DYNC1I1: variants seen among roughly 807,000 people sequenced by gnomAD.
The protein encoded by DYNC1I1 is dynein cytoplasmic 1 intermediate chain 1, also known as cytoplasmic dynein 1 intermediate chain 1.
A neutral mutation model predicts 86.6 loss-of-function variants in DYNC1I1; 43 were observed. The ratio of observed to expected loss-of-function variants is 0.50; its 90% CI spans 0.39 to 0.64. The LOEUF is 0.64. Ranked by LOEUF, DYNC1I1 falls within the 30% of genes least tolerant of loss-of-function variation. DYNC1I1 has a pLI of 0.00. For synonymous variants in DYNC1I1, 262 were observed against 283.7 expected (o/e 0.92, Z 0.77); for missense variants, 604 against 788.8 (o/e 0.77, Z 2.81).
chr7:95,869,477 CT>C (rs556177257), intron 5 of DYNC1I1, among the ~76,000 whole-genome samples: 135 of 147,212 alleles, frequency 9.2e-4, no homozygotes, highest in Admixed American at 2.3e-3. Context: ...ACCCACCTCT[CT>C]TTTTTTTTTT....
intron 14 of DYNC1I1, among the ~76,000 whole-genome samples, chr7:96,059,313 GAA>G (rs113602411): frequency 1.5e-5 from 2 of 137,652 alleles, no homozygotes; most frequent in African/African-American, 5.3e-5. Context: ...CAGTGAAATC[GAA>G]AAAAAAAAAT....
At chr7:95,860,111 G>A (rs1161147400) in intron 5 of DYNC1I1, among the ~76,000 whole-genome samples, 1 of 152,008 alleles carries the variant, frequency 6.6e-6, no homozygotes, top group Admixed American at 6.6e-5. Flanking sequence ...TGTTTCTCTG[G>A]GAGGACAATT....
intron 6 of DYNC1I1, among the ~76,000 whole-genome samples, chr7:95,932,879 A>ATTTTTTTTTTTTTTTTTTTTTTTT (rs11392614): frequency 7.3e-6 from 1 of 137,724 alleles, no homozygotes; most frequent in Non-Finnish European, 1.5e-5. Context: ...TTATTTTTTA[A>ATTTTTTTTTTTTTTTTTTTTTTTT]TTTTTTTTTT....
At chr7:95,815,927 CTAGT>C (rs1794935960) in intron 4 of DYNC1I1, among the ~76,000 whole-genome samples, 1 of 151,898 alleles carries the variant, frequency 6.6e-6, no homozygotes, top group Non-Finnish European at 1.5e-5. Context: ...ATCTTTGTAA[CTAGT>C]TAATCTGCAA....
intron 5 of DYNC1I1, among the ~76,000 whole-genome samples, chr7:95,856,248 CT>C (rs972744609): frequency 1.1e-4 from 16 of 152,084 alleles, no homozygotes; most frequent in African/African-American, 3.9e-4. Flanking sequence ...ATATCACTGT[CT>C]TTCACCTCCA....
intron 6 of DYNC1I1, among the ~76,000 whole-genome samples, chr7:95,948,909 G>A (rs1792476428): frequency 6.6e-6 from 1 of 152,158 alleles, no homozygotes; most frequent in Non-Finnish European, 1.5e-5. Context: ...GCTTTATCCA[G>A]ATACCCAGTG....
chr7:96,025,610 GTGACATTTAA>G (rs1794658986), intron 10 of DYNC1I1, among the ~76,000 whole-genome samples: 1 of 152,078 alleles, frequency 6.6e-6, no homozygotes, highest in Non-Finnish European at 1.5e-5. Flanking sequence ...GGGGGCTTTT[GTGACATTTAA>G]AATTTTTTGA....
At chr7:95,805,681 C>T (rs1378373944) in intron 2 of DYNC1I1, among the ~76,000 whole-genome samples, 1 of 152,064 alleles carries the variant, frequency 6.6e-6, no homozygotes, top group Non-Finnish European at 1.5e-5. Context: ...TTTGTCGTGG[C>T]AGTGTAGGAA....
chr7:96,009,593 AAATAC>A lies in DYNC1I1; in HGVS notation c.969+13522_969+13526del, dbSNP rs1211922356. 8.5e-5 allele frequency among the ~76,000 whole-genome samples: 13 copies of A among 152,298 alleles called. No individual in the cohort carries two copies. In the South Asian group the frequency reaches 2.7e-3, roughly 32 times the overall value. ...GCTGGATACTCCACTTGTTCATAAC[AAATAC>A]AGTCTTTTCTGTTGTTCCAGTAGCA... On this transcript the variant is annotated intron_variant, in intron 10 of 16. Transcript: ENST00000447467.
chr7:96,006,328 A>G (rs915427820), intron 10 of DYNC1I1, among the ~76,000 whole-genome samples: 2 of 152,166 alleles, frequency 1.3e-5, no homozygotes, highest in Admixed American at 1.3e-4. Context: ...ATGCCAAAAG[A>G]CTTCACTTTT....
At chr7:95,989,604 C>T (rs147715700) in intron 9 of DYNC1I1, among the ~76,000 whole-genome samples, 1 of 152,304 alleles carries the variant, frequency 6.6e-6, no homozygotes, top group African/African-American at 2.4e-5. Flanking sequence ...GGGCTGGTCC[C>T]GCCTTGCCTC....
chr7:95,885,832 A>G (rs926314255), intron 6 of DYNC1I1, among the ~76,000 whole-genome samples: 2 of 152,170 alleles, frequency 1.3e-5, no homozygotes, highest in African/African-American at 4.8e-5. Context: ...AGGTAGTGGT[A>G]TCTTCCAAAA....
chr7:95,802,082 A>G (rs1310033102), intron 1 of DYNC1I1, among the ~76,000 whole-genome samples: 2 of 151,838 alleles, frequency 1.3e-5, no homozygotes, highest in Non-Finnish European at 2.9e-5. Flanking sequence ...TCCAAACTCT[A>G]TTCCTCAACT....
intron 3 of DYNC1I1, among the ~76,000 whole-genome samples, chr7:95,812,975 A>G (rs1292647511): frequency 6.6e-6 from 1 of 152,066 alleles, no homozygotes; most frequent in Non-Finnish European, 1.5e-5. Flanking sequence ...TTGATGCTTC[A>G]TTTTACTTTG....
rs147218430 is a variant in DYNC1I1 at position 95,796,048 on chromosome 7, C to CA, written c.-9-8664dup. ...TTGTAAAATTAAATATAATTAAGAC[C>CA]AAAAAAAAAGCAGCCTACAGCAAAA... On this transcript the variant is annotated intron_variant, in intron 1 of 16. Transcript: ENST00000447467. 2.5e-4 allele frequency among the ~76,000 whole-genome samples: 37 copies of CA among 145,894 alleles called. 1 individual carries two copies. The highest frequency in any genetic ancestry group is 6.0e-4 in the East Asian group (3 of 4,994).
intron 9 of DYNC1I1, among the ~76,000 whole-genome samples, chr7:95,993,931 C>T (rs1793793831): frequency 6.6e-6 from 1 of 152,184 alleles, no homozygotes; most frequent in South Asian, 2.1e-4. Flanking sequence ...CCTTTTGAGA[C>T]TCCTATGTAG....
At chr7:95,984,121 A>T (rs935940204) in intron 7 of DYNC1I1, among the ~76,000 whole-genome samples, 3 of 152,188 alleles carry the variant, frequency 2.0e-5, no homozygotes, top group Non-Finnish European at 4.4e-5. Context: ...CTCATTTTTT[A>T]TCTTCAAATT....
chr7:95,785,777 A>ATGTATATG, intron 1 of DYNC1I1, among the ~76,000 whole-genome samples: 1 of 15,486 alleles, frequency 6.5e-5, no homozygotes, highest in South Asian at 1.5e-3. Flanking sequence ...GTGTATGTGT[A>ATGTATATG]TATATATATA....
intron 5 of DYNC1I1, among the ~76,000 whole-genome samples, chr7:95,859,392 C>G (rs1789815217): frequency 1.3e-5 from 2 of 152,134 alleles, no homozygotes; most frequent in Admixed American, 1.3e-4. Flanking sequence ...TTTTGATTCT[C>G]AAGGTCATGC....
Sources: allele counts gnomAD v4.1 joint callset (sites outside exome capture counted in the v4.1 genomes callset), GRCh38; gene constraint gnomAD v4.1.1; transcripts MANE v1.5; gene names NCBI Gene and HGNC (gene_info 2026-07-23, HGNC 2026-07-21).